CLMN: variants seen among roughly 807,000 people sequenced by gnomAD.
The protein encoded by CLMN is calmin (calponin-like, transmembrane).
Under a neutral mutation model 92.7 loss-of-function variants are expected in CLMN, and 57 were observed. The observed-to-expected ratio is 0.61, with a 90% CI of 0.50 to 0.77. CLMN has a LOEUF of 0.77. CLMN is among the 30% of genes least tolerant of loss of function. CLMN has a pLI of 0.00. For synonymous variants in CLMN, 466 were observed against 470.6 expected (o/e 0.99, Z 0.13); for missense variants, 1,158 against 1,237.5 (o/e 0.94, Z 0.96).
At chr14:95,293,665 C>T (rs1446949482) in intron 1 of CLMN, among the ~76,000 whole-genome samples, 1 of 151,894 alleles carries the variant, frequency 6.6e-6, no homozygotes, top group Non-Finnish European at 1.5e-5. Flanking sequence ...GGGTGTACTG[C>T]GCCCCCTGTC....
At chr14:95,266,505 C>T (rs1015953637) in intron 1 of CLMN, among the ~76,000 whole-genome samples, 1 of 151,972 alleles carries the variant, frequency 6.6e-6, no homozygotes, top group Non-Finnish European at 1.5e-5. Flanking sequence ...TGAAAGATGG[C>T]TACAAGGAAA....
At chr14:95,319,619 G>A (rs866248441) in intron 1 of CLMN, 92 bp downstream of exon 1, 1 of 1,027,736 alleles carries the variant, frequency 9.7e-7, no homozygotes, top group East Asian at 3.2e-5. Context: ...GCCGGCGAGC[G>A]GGGGCGGCGC....
chr14:95,307,736 A>C (rs887819803), intron 1 of CLMN: 1 of 150,196 alleles, frequency 6.7e-6, no homozygotes, highest in African/African-American at 2.5e-5. Context: ...TCTTGGAGAG[A>C]GCCAGCTCTC....
At position 95,193,955 on chromosome 14, in the gene CLMN, C is replaced by A. The variant is rs761408458; in HGVS notation, c.2770-36G>T. 17 of 1,607,290 alleles carry A rather than the reference C, an allele frequency of 1.1e-5. No individual in the cohort carries two copies. In the East Asian group the frequency reaches 3.8e-4, roughly 36 times the overall value. On this transcript the variant is annotated intron_variant, in intron 11 of 12. Transcript: ENST00000298912. ...ATTTATAAACAAAAGCCCCCGCAAC[C>A]CAATTAGTAAAGATGAAATCTCTGA...
At chr14:95,308,051 G>C (rs1036337247) in intron 1 of CLMN, among the ~76,000 whole-genome samples, 4 of 152,206 alleles carry the variant, frequency 2.6e-5, no homozygotes, top group Non-Finnish European at 4.4e-5. Context: ...AGGGACAAGA[G>C]GGTGGTTCCC....
chr14:95,204,741 G>A (rs1053859792), intron 8 of CLMN, among the ~76,000 whole-genome samples: 4 of 152,158 alleles, frequency 2.6e-5, no homozygotes, highest in African/African-American at 7.2e-5. Flanking sequence ...ATGGATTAAC[G>A]AATCTCAATG....
intron 2 of CLMN, among the ~76,000 whole-genome samples, chr14:95,226,747 T>C (rs1275049581): frequency 6.6e-6 from 1 of 152,144 alleles, no homozygotes; most frequent in Non-Finnish European, 1.5e-5. Context: ...GGTTAATTTT[T>C]TAAACTTTTT....
In CLMN at chr14:95,187,336, G is replaced by C. The variant is rs1228607459; in HGVS notation, c.*4228C>G. The C allele has an allele frequency of 6.6e-6, 1 of 152,250 alleles. No homozygotes were observed. The highest frequency in any genetic ancestry group is 1.5e-5 in the Non-Finnish European group (1 of 68,072). The allele number at this position is 152,250 out of a possible 1,614,324, so 9.4% of individuals were successfully genotyped here. ...AACCATGAACACAGAATACAGAAGA[G>C]AACAGTAAGCAAGAGCTAGCAACCT... is the stretch of plus-strand genomic sequence containing the variant. On this transcript the variant is annotated 3_prime_UTR_variant, in exon 13 of 13. Coordinates refer to ENST00000298912, the MANE Select transcript of CLMN (RefSeq NM_024734.4).
chr14:95,191,797 A>T lies in CLMN; in HGVS notation c.2841-65T>A. The T allele has an allele frequency of 6.7e-7, 1 of 1,493,248 alleles. No homozygotes were observed. Among genetic ancestry groups the T allele is most frequent in the Non-Finnish European group, 9.0e-7 (1 of 1,112,524 alleles). The allele number at this position is 1,493,248 out of a possible 1,614,324, so 92.5% of individuals were successfully genotyped here. On this transcript the variant is annotated intron_variant, in intron 12 of 12. Transcript: ENST00000298912. The surrounding 1 kb of genome is among the most constrained non-coding windows in gnomAD (Gnocchi z 5.3). The stretch of plus-strand genomic sequence containing the variant: ...GTTCCCAGGAAAGTGGACCCCACCC[A>T]GTGCTACCCGTCTCTCCCCGGCCCC...
intron 1 of CLMN, among the ~76,000 whole-genome samples, chr14:95,238,462 A>C (rs1431595028): frequency 6.6e-6 from 1 of 152,120 alleles, no homozygotes; most frequent in East Asian, 1.9e-4. Flanking sequence ...TTTGCATTTA[A>C]TTTCCTTTGT....
In CLMN at chr14:95,201,398, G is replaced by A. The variant is rs769020724; in HGVS notation, c.2511+1440C>T. On this transcript the variant is annotated intron_variant, in intron 9 of 12. Coordinates refer to ENST00000298912, the MANE Select transcript of CLMN (RefSeq NM_024734.4). ...TCAAAGGCCTTCCATCATTCCCCAC[G>A]ACCCCTTCTATTTCCCACACTATGA... 9.3e-5 allele frequency among the ~76,000 whole-genome samples: 14 copies of A among 150,930 alleles called. 1 individual carries two copies. Among genetic ancestry groups the A allele is most frequent in the Admixed American group, 4.6e-4 (7 of 15,162 alleles).
chr14:95,186,843 G>A lies in CLMN; in HGVS notation c.*4721C>T, dbSNP rs1228808792. 2.0e-5 allele frequency: 3 copies of A among 152,352 alleles called. No individual in the cohort carries two copies. Among genetic ancestry groups the A allele is most frequent in the African/African-American group, 7.2e-5 (3 of 41,460 alleles). 9.4% of individuals were successfully genotyped at this position (152,352 alleles called of 1,614,324 possible). Reference sequence around the variant, plus strand: ...CCCAAAGGGCTGGGATTATAGGTGTGAGCCACTACTGTGCCTAGCCAGTTT... The same window carrying A: ...CCCAAAGGGCTGGGATTATAGGTGTAAGCCACTACTGTGCCTAGCCAGTTT... On this transcript the variant is annotated 3_prime_UTR_variant, in exon 13 of 13. Coordinates refer to ENST00000298912, the MANE Select transcript of CLMN (RefSeq NM_024734.4).
intron 4 of CLMN, 129 bp downstream of exon 4, chr14:95,221,562 T>C: frequency 4.0e-6 from 3 of 752,302 alleles, no homozygotes; most frequent in Non-Finnish European, 6.5e-6. Flanking sequence ...AATTTAAGCT[T>C]AGTTTAATTT....
intron 1 of CLMN, among the ~76,000 whole-genome samples, chr14:95,264,939 CAAAA>C (rs34109382): frequency 7.8e-6 from 1 of 127,452 alleles, no homozygotes; most frequent in African/African-American, 2.9e-5. Context: ...CCATCTCTAC[CAAAA>C]AAAAAAAAAA....
chr14:95,260,137 T>C (rs1212574062), intron 1 of CLMN, among the ~76,000 whole-genome samples: 1 of 152,110 alleles, frequency 6.6e-6, no homozygotes, highest in Non-Finnish European at 1.5e-5. Context: ...TGCATATTGG[T>C]TCACTAGAAG....
At chr14:95,304,570 C>T (rs1901195012) in intron 1 of CLMN, among the ~76,000 whole-genome samples, 1 of 152,054 alleles carries the variant, frequency 6.6e-6, no homozygotes, top group South Asian at 2.1e-4. Context: ...GTCCCTCCCC[C>T]ATCAGGCACA....
intron 1 of CLMN, among the ~76,000 whole-genome samples, chr14:95,234,972 C>T (rs1898003839): frequency 1.3e-5 from 2 of 152,136 alleles, no homozygotes; most frequent in Non-Finnish European, 1.5e-5. Flanking sequence ...CTTTGTTGCC[C>T]AGGAGAAAGT....
chr14:95,257,544 G>A (rs553991260), intron 1 of CLMN, among the ~76,000 whole-genome samples: 2 of 152,330 alleles, frequency 1.3e-5, no homozygotes, highest in African/African-American at 2.4e-5. Context: ...GGGACGGCAC[G>A]CAAGCTTGCA....
chr14:95,234,362 G>A (rs899061604), intron 1 of CLMN, among the ~76,000 whole-genome samples: 1 of 152,164 alleles, frequency 6.6e-6, no homozygotes, highest in Non-Finnish European at 1.5e-5. Flanking sequence ...GGCCTTCTCC[G>A]CTTTGAGACG....
Sources: allele counts gnomAD v4.1 joint callset (sites outside exome capture counted in the v4.1 genomes callset), GRCh38; gene constraint gnomAD v4.1.1; non-coding constraint Gnocchi (gnomAD v3.1); transcripts MANE v1.5; gene names NCBI Gene and HGNC (gene_info 2026-07-23, HGNC 2026-07-21).